The following PBX3 variants were observed in gnomAD, a reference collection of about 807,000 sequenced individuals.
PBX3 encodes the protein pre-B-cell leukemia transcription factor 3.
PBX3 carries 14 observed loss-of-function variants against 48.5 expected under a neutral mutation model. The ratio of observed to expected loss-of-function variants is 0.29; its 90% confidence interval spans 0.19 to 0.45. The LOEUF is 0.45. Ranked by LOEUF, PBX3 falls within the 20% of genes least tolerant of loss-of-function variation. The probability of loss-of-function intolerance (pLI) is 1.00; values close to 1 mark genes in which losing one functional copy is unlikely to be tolerated. For missense variants in PBX3, 386 were observed against 546.7 expected (o/e 0.71, Z 2.93); for synonymous variants, 210 against 200.3 (o/e 1.05, Z -0.41).
intron 2 of PBX3, among the ~76,000 whole-genome samples, chr9:125,829,970 G>A (rs1243906351): frequency 6.6e-6 from 1 of 152,170 alleles, no homozygotes. Context: ...GAACAATCTT[G>A]ACATGGTGTC....
intron 5 of PBX3, among the ~76,000 whole-genome samples, chr9:125,955,967 G>C (rs1842299636): frequency 6.6e-6 from 1 of 152,194 alleles, no homozygotes; most frequent in Non-Finnish European, 1.5e-5. Flanking sequence ...ATTTAAAAAA[G>C]AAAAGCTGAC....
intron 2 of PBX3, among the ~76,000 whole-genome samples, chr9:125,780,102 T>C (rs1335268509): frequency 2.9e-3 from 207 of 70,768 alleles, no homozygotes; most frequent in African/African-American, 6.7e-3. Context: ...GGCGGCTGGC[T>C]GGGCAGAGGG....
chr9:125,753,675 T>A (rs2131954067), intron 2 of PBX3, among the ~76,000 whole-genome samples: 1 of 152,220 alleles, frequency 6.6e-6, no homozygotes, highest in South Asian at 2.1e-4. Context: ...GGTATTTTAT[T>A]TGGGACTTTA....
chr9:125,834,405 A>G (rs1224868273), intron 2 of PBX3, among the ~76,000 whole-genome samples: 6 of 151,676 alleles, frequency 4.0e-5, no homozygotes, highest in Non-Finnish European at 5.9e-5. Context: ...TGTTTTTTTT[A>G]TTTTTATTTT....
chr9:125,870,750 A>G (rs1840102615), intron 2 of PBX3, among the ~76,000 whole-genome samples: 1 of 152,226 alleles, frequency 6.6e-6, no homozygotes, highest in African/African-American at 2.4e-5. Flanking sequence ...TCAGAGTTAA[A>G]TCATTTTAAG....
intron 4 of PBX3, among the ~76,000 whole-genome samples, chr9:125,931,822 C>T (rs1841723031): frequency 6.6e-6 from 1 of 152,038 alleles, no homozygotes; most frequent in African/African-American, 2.4e-5. Flanking sequence ...TAAAGCAAGT[C>T]AAGGGGAGAG....
intron 2 of PBX3, among the ~76,000 whole-genome samples, chr9:125,819,763 T>C (rs1373756093): frequency 6.6e-6 from 1 of 152,196 alleles, no homozygotes; most frequent in Non-Finnish European, 1.5e-5. Flanking sequence ...TGTAACCCTG[T>C]ACTCTTCACT....
intron 5 of PBX3, among the ~76,000 whole-genome samples, chr9:125,953,333 C>A (rs780926681): frequency 2.0e-5 from 3 of 151,964 alleles, no homozygotes; most frequent in African/African-American, 7.3e-5. Context: ...AAAAATTAGC[C>A]GGCCGTAGTG....
chr9:125,942,145 G>C (rs1253781391), intron 5 of PBX3, among the ~76,000 whole-genome samples: 1 of 152,208 alleles, frequency 6.6e-6, no homozygotes, highest in African/African-American at 2.4e-5. Context: ...CTGAAGTTCA[G>C]AGAAGTTAAG....
chr9:125,878,827 C>T (rs1345785579), intron 2 of PBX3, among the ~76,000 whole-genome samples: 1 of 152,062 alleles, frequency 6.6e-6, no homozygotes, highest in Non-Finnish European at 1.5e-5. Flanking sequence ...TGTACAAAGT[C>T]GTTAGTGATA....
intron 2 of PBX3, among the ~76,000 whole-genome samples, chr9:125,908,108 A>G (rs1841118359): frequency 6.6e-6 from 1 of 152,142 alleles, no homozygotes; most frequent in Non-Finnish European, 1.5e-5. Context: ...ATGTAAGGTA[A>G]GAAAGTTAAA....
At chr9:125,878,464 A>G (rs1451201939) in intron 2 of PBX3, among the ~76,000 whole-genome samples, 1 of 152,188 alleles carries the variant, frequency 6.6e-6, no homozygotes, top group Non-Finnish European at 1.5e-5. Flanking sequence ...CTGGGTGTAT[A>G]CCCTTCAGAC....
chr9:125,847,481 A>G (rs995042121), intron 2 of PBX3, among the ~76,000 whole-genome samples: 2 of 152,016 alleles, frequency 1.3e-5, no homozygotes, highest in African/African-American at 2.4e-5. Context: ...AAAAAGTCCA[A>G]TGTATTAAAT....
intron 2 of PBX3, among the ~76,000 whole-genome samples, chr9:125,779,240 T>C (rs1351323456): frequency 7.8e-6 from 1 of 128,740 alleles, no homozygotes; most frequent in African/African-American, 3.1e-5. Flanking sequence ...GTCAGAACTT[T>C]GTTCCTTTTT....
rs530023043 is a variant in PBX3 at position 125,959,624 on chromosome 9, T to C, written c.844-1060T>C. On this transcript the variant is annotated intron_variant, in intron 5 of 8. Transcript: ENST00000373489. ...TTGGGTTGGAAGGCTTCAAACTACA[T>C]ACTACTCCTTACGTCTCTTCAGGGC... Among the ~76,000 whole-genome samples the C allele has an allele frequency of 3.3e-5, 5 of 152,336 alleles. No homozygotes were observed. In the South Asian group the frequency reaches 1.0e-3, roughly 32 times the overall value.
chr9:125,787,442 A>G (rs1837487723), intron 2 of PBX3, among the ~76,000 whole-genome samples: 1 of 152,112 alleles, frequency 6.6e-6, no homozygotes, highest in African/African-American at 2.4e-5. Context: ...TGAGCTGGCC[A>G]AGGATAAGAA....
chr9:125,904,637 G>A (rs1050131882), intron 2 of PBX3, among the ~76,000 whole-genome samples: 2 of 151,862 alleles, frequency 1.3e-5, no homozygotes, highest in African/African-American at 4.8e-5. Flanking sequence ...GAGTAAACTA[G>A]CATCAGATTA....
chr9:125,855,279 G>T (rs1043545197), intron 2 of PBX3, among the ~76,000 whole-genome samples: 2 of 152,068 alleles, frequency 1.3e-5, no homozygotes, highest in African/African-American at 4.8e-5. Context: ...TTTATAGATT[G>T]AGTTTAGGAT....
At chr9:125,904,481 G>A (rs938873611) in intron 2 of PBX3, among the ~76,000 whole-genome samples, 31 of 151,844 alleles carry the variant, frequency 2.0e-4, no homozygotes, top group African/African-American at 7.0e-4. Context: ...CACATTGTTT[G>A]TTTTAGCTGC....
Sources: gnomAD v4.1 joint callset for allele counts (sites outside exome capture counted in the v4.1 genomes callset) on GRCh38, gnomAD v4.1.1 for gene constraint, MANE v1.5 for transcripts, NCBI Gene and HGNC (gene_info 2026-07-23, HGNC 2026-07-21) for gene names.